Variants in HSPA12A observed in about 807,000 individuals in gnomAD.
The protein encoded by HSPA12A is heat shock 70 kDa protein 12A.
Under a neutral mutation model 69.2 loss-of-function variants are expected in HSPA12A, and 28 were observed. The observed-to-expected ratio is 0.40, with a 90% confidence interval of 0.30 to 0.55. The LOEUF (loss-of-function observed/expected upper bound fraction) is 0.55. HSPA12A is among the 20% of genes least tolerant of loss of function. HSPA12A has a pLI of 0.38. For synonymous variants in HSPA12A, 345 were observed against 370.5 expected, an observed-to-expected ratio of 0.93 and a Z score of 0.79; for missense variants, 686 against 900.7, an observed-to-expected ratio of 0.76 and a Z score of 3.05.
At chr10:116,793,510 G>T (rs1288297857) in intron 2 of HSPA12A, among the ~76,000 whole-genome samples, 4 of 152,146 alleles carry the variant, frequency 2.6e-5, no homozygotes, top group Non-Finnish European at 5.9e-5. Flanking sequence ...GCTTGAGGTT[G>T]CAGTAAGCCA....
chr10:116,748,094 C>T (rs781850895), intron 2 of HSPA12A, among the ~76,000 whole-genome samples: 5 of 152,206 alleles, frequency 3.3e-5, no homozygotes, highest in Admixed American at 6.5e-5. Context: ...GACAGAGCTA[C>T]GGTCAAACTC....
intron 3 of HSPA12A, among the ~76,000 whole-genome samples, chr10:116,701,595 T>C (rs760159141): frequency 6.6e-6 from 1 of 152,186 alleles, no homozygotes; most frequent in East Asian, 1.9e-4. Flanking sequence ...AGGTGCCAGC[T>C]GGTAGGGCAG....
At chr10:116,706,342 G>A (rs1196464719) in intron 2 of HSPA12A, among the ~76,000 whole-genome samples, 1 of 151,974 alleles carries the variant, frequency 6.6e-6, no homozygotes, top group African/African-American at 2.4e-5. Flanking sequence ...CAGCCCTGAA[G>A]CTCTTACAGG....
At chr10:116,777,663 G>C (rs1844370097) in intron 2 of HSPA12A, among the ~76,000 whole-genome samples, 2 of 152,226 alleles carry the variant, frequency 1.3e-5, no homozygotes, top group African/African-American at 2.4e-5. Context: ...AGCTGCAACA[G>C]ACACAAATAA....
chr10:116,736,739 C>T (rs1368528677), intron 1 of HSPA12A, among the ~76,000 whole-genome samples: 2 of 152,114 alleles, frequency 1.3e-5, no homozygotes, highest in East Asian at 1.9e-4. Flanking sequence ...TGGATTATCC[C>T]CTAGAGCCTC....
chr10:116,753,833 C>T (rs1474685202), intron 2 of HSPA12A, among the ~76,000 whole-genome samples: 1 of 152,060 alleles, frequency 6.6e-6, no homozygotes, highest in East Asian at 1.9e-4. Context: ...CACGTGGTAC[C>T]CACTCCAGGA....
At chr10:116,788,564 AT>A (rs1844630729) in intron 2 of HSPA12A, among the ~76,000 whole-genome samples, 1 of 152,174 alleles carries the variant, frequency 6.6e-6, no homozygotes. Context: ...TCTTGCTAGC[AT>A]TTTGGTGAGT....
intron 2 of HSPA12A, among the ~76,000 whole-genome samples, chr10:116,755,847 C>T (rs963112273): frequency 1.1e-4 from 16 of 151,052 alleles, no homozygotes; most frequent in African/African-American, 3.9e-4. Flanking sequence ...AATAAAGAGC[C>T]AGGCGTGGTG....
chr10:116,719,323 G>C (rs1221550720), intron 1 of HSPA12A, among the ~76,000 whole-genome samples: 2 of 152,204 alleles, frequency 1.3e-5, no homozygotes, highest in East Asian at 3.9e-4. Context: ...CGCCTTTTAA[G>C]TGAGTACCCT....
intron 3 of HSPA12A, among the ~76,000 whole-genome samples, chr10:116,703,055 T>G (rs1554881813): frequency 6.6e-6 from 1 of 152,240 alleles, no homozygotes; most frequent in Non-Finnish European, 1.5e-5. Context: ...GCATATTCTT[T>G]TCCACTGGGA....
chr10:116,782,686 A>C (rs897460818), intron 2 of HSPA12A, among the ~76,000 whole-genome samples: 4 of 152,234 alleles, frequency 2.6e-5, no homozygotes, highest in African/African-American at 7.2e-5. Context: ...TAGACATGCT[A>C]TCAACTGCTT....
At chr10:116,731,397 C>T (rs1001363936) in intron 1 of HSPA12A, among the ~76,000 whole-genome samples, 7 of 152,164 alleles carry the variant, frequency 4.6e-5, no homozygotes, top group East Asian at 1.9e-4. Flanking sequence ...CTCTAACTGC[C>T]GGCCCCAGGG....
chr10:116,684,604 G>A (rs1370771928), intron 6 of HSPA12A, among the ~76,000 whole-genome samples: 2 of 152,084 alleles, frequency 1.3e-5, no homozygotes, highest in Non-Finnish European at 2.9e-5. Context: ...CCAGGAGGAA[G>A]CCCCTCCTGG....
intron 2 of HSPA12A, among the ~76,000 whole-genome samples, chr10:116,768,467 C>T (rs971436402): frequency 2.6e-5 from 4 of 152,170 alleles, no homozygotes; most frequent in Non-Finnish European, 4.4e-5. Flanking sequence ...AACCCACTGA[C>T]TTGTACACTT....
At chr10:116,679,473 C>T (rs1274102316) in intron 10 of HSPA12A, 30 bp downstream of exon 10, 1 of 1,607,814 alleles carries the variant, frequency 6.2e-7, no homozygotes, top group Non-Finnish European at 8.5e-7. Context: ...GCTAGAATGT[C>T]CAGAGCCCGA....
chr10:116,780,917 T>C (rs1844448856), intron 2 of HSPA12A, among the ~76,000 whole-genome samples: 1 of 152,234 alleles, frequency 6.6e-6, no homozygotes, highest in African/African-American at 2.4e-5. Context: ...CAGAGATTAA[T>C]GAAAATAAGG....
intron 8 of HSPA12A, 44 bp from the exon 9 acceptor site, chr10:116,681,300 C>G: frequency 6.6e-7 from 1 of 1,520,964 alleles, no homozygotes; most frequent in Non-Finnish European, 9.1e-7. Flanking sequence ...GTTTGCCAAC[C>G]CCATCTGAAA....
chr10:116,800,060 C>T (rs1844922494), intron 2 of HSPA12A, among the ~76,000 whole-genome samples: 1 of 152,136 alleles, frequency 6.6e-6, no homozygotes, highest in South Asian at 2.1e-4. Flanking sequence ...CTTCCTAATA[C>T]CCAGCATGGA....
chr10:116,767,197 G>A (rs1160430991), intron 2 of HSPA12A, among the ~76,000 whole-genome samples: 4 of 152,126 alleles, frequency 2.6e-5, no homozygotes, highest in African/African-American at 4.8e-5. Flanking sequence ...CCTGGGGAAC[G>A]AGGTCCTGAA....
Sources: allele counts gnomAD v4.1 joint callset (sites outside exome capture counted in the v4.1 genomes callset), GRCh38; gene constraint gnomAD v4.1.1; transcripts MANE v1.5; gene names NCBI Gene and HGNC (gene_info 2026-07-23, HGNC 2026-07-21).